PELI1: variants seen among roughly 807,000 people sequenced by gnomAD.
The protein encoded by PELI1 is pellino E3 ubiquitin protein ligase 1.
In PELI1, 15 loss-of-function variants were observed where a neutral mutation model predicts 41.3. That is an observed-to-expected ratio of 0.36 (90% CI 0.24 to 0.56). PELI1 has a LOEUF of 0.56. Among genes scored for constraint, PELI1 ranks in the 20% least tolerant of loss-of-function variants. PELI1 has a pLI of 0.82. For missense variants in PELI1, 403 were observed against 525.5 expected (o/e 0.77, Z 2.28); for synonymous variants, 178 against 180.1 (o/e 0.99, Z 0.09).
intron 2 of PELI1, among the ~76,000 whole-genome samples, chr2:64,108,039 G>A (rs1680680154): frequency 6.6e-6 from 1 of 152,132 alleles, no homozygotes; most frequent in Non-Finnish European, 1.5e-5. Context: ...CAAAGCTTAT[G>A]TCATATTTGA....
rs186238128 is a variant in PELI1, at chr2:64,093,985, A to G, written c.*717T>C. ...CTTAGCATTAAGTTTTTGTTATAGT[A>G]CTACGCTCGAGAGAAACATTAAGAA... On this transcript the variant is annotated 3_prime_UTR_variant, in exon 7 of 7. Coordinates refer to ENST00000358912, the MANE Select transcript of PELI1 (RefSeq NM_020651.4). The G allele has an allele frequency of 1.2e-4, 19 of 152,782 alleles. 1 individual carries two copies. Among genetic ancestry groups the G allele is most frequent in the Admixed American group, 9.8e-4 (15 of 15,298 alleles). The allele number at this position is 152,782 out of a possible 1,614,324, so 9.5% of individuals were successfully genotyped here. A position where few individuals can be genotyped will look rare whatever the true frequency, so the allele number is the denominator to read the frequency against.
chr2:64,129,324 CACTTAA>C (rs1377832887), intron 1 of PELI1, among the ~76,000 whole-genome samples: 1 of 152,096 alleles, frequency 6.6e-6, no homozygotes, highest in African/African-American at 2.4e-5. Context: ...TTGTGAAAAT[CACTTAA>C]ACTTACTGTC....
intron 1 of PELI1, among the ~76,000 whole-genome samples, chr2:64,124,181 C>A (rs72893140): frequency 0.023 from 3,468 of 152,230 alleles, 113 homozygotes; most frequent in African/African-American, 0.077. Flanking sequence ...TAGCTAAAGG[C>A]TATGACATGA....
intron 1 of PELI1, among the ~76,000 whole-genome samples, chr2:64,109,087 C>G (rs1680715774): frequency 1.3e-5 from 2 of 152,194 alleles, no homozygotes; most frequent in Admixed American, 1.3e-4. Context: ...GACTTTCACC[C>G]TGATGGCCGG....
At chr2:64,138,114 T>A (rs1196085490) in intron 1 of PELI1, among the ~76,000 whole-genome samples, 1 of 151,364 alleles carries the variant, frequency 6.6e-6, no homozygotes, top group Non-Finnish European at 1.5e-5. Flanking sequence ...TTTTGTTTTG[T>A]TTTTTTTAGA....
At chr2:64,126,111 C>G (rs889732137) in intron 1 of PELI1, among the ~76,000 whole-genome samples, 1 of 152,166 alleles carries the variant, frequency 6.6e-6, no homozygotes, top group Admixed American at 6.5e-5. Context: ...TGTGAGCTTT[C>G]TTTGCAGTTT....
chr2:64,121,036 T>C (rs1466153508), intron 1 of PELI1, among the ~76,000 whole-genome samples: 1 of 152,236 alleles, frequency 6.6e-6, no homozygotes, highest in African/African-American at 2.4e-5. Flanking sequence ...GAAGCAGTTC[T>C]GTAAATCTGT....
intron 1 of PELI1, among the ~76,000 whole-genome samples, chr2:64,140,536 T>G (rs1473019339): frequency 6.6e-6 from 1 of 152,100 alleles, no homozygotes; most frequent in Non-Finnish European, 1.5e-5. Context: ...TCTCTAGGCT[T>G]ATTTCTGAAG....
At chr2:64,129,931 T>C (rs1375992839) in intron 1 of PELI1, among the ~76,000 whole-genome samples, 2 of 152,238 alleles carry the variant, frequency 1.3e-5, no homozygotes, top group South Asian at 4.1e-4. Context: ...AATCACTGAT[T>C]ACCTCTCCAG....
intron 6 of PELI1, among the ~76,000 whole-genome samples, chr2:64,095,822 T>C (rs1038616899): frequency 6.6e-6 from 1 of 152,198 alleles, no homozygotes; most frequent in African/African-American, 2.4e-5. Context: ...TTTGTATTTT[T>C]AGTAGAGACA....
intron 2 of PELI1, among the ~76,000 whole-genome samples, chr2:64,107,222 G>A (rs1170925502): frequency 1.3e-5 from 2 of 152,138 alleles, no homozygotes; most frequent in Non-Finnish European, 1.5e-5. Context: ...ATAAGCTACT[G>A]CACCTGGCCT....
intron 1 of PELI1, among the ~76,000 whole-genome samples, chr2:64,128,693 C>A (rs143535721): frequency 6.6e-6 from 1 of 152,054 alleles, no homozygotes; most frequent in South Asian, 2.1e-4. Flanking sequence ...GCATTTACTG[C>A]GGAGTGTATG....
chr2:64,112,474 G>A (rs968119302), intron 1 of PELI1, among the ~76,000 whole-genome samples: 4 of 152,118 alleles, frequency 2.6e-5, no homozygotes, highest in African/African-American at 7.2e-5. Flanking sequence ...ACAAGAGTAC[G>A]GCTGGCATAT....
intron 6 of PELI1, 144 bp downstream of exon 6, chr2:64,095,981 A>G (rs567903039): frequency 1.6e-6 from 1 of 642,622 alleles, no homozygotes; most frequent in African/African-American, 1.8e-5. Flanking sequence ...TCTAGTATAG[A>G]ATTTGGTAGT....
intron 1 of PELI1, among the ~76,000 whole-genome samples, chr2:64,140,787 C>CA (rs377041268): frequency 0.22 from 9,840 of 45,288 alleles, 2,622 homozygotes; most frequent in East Asian, 0.44. Flanking sequence ...AGACAACATG[C>CA]AAAAAAAAAA....
At chr2:64,102,214 C>T (rs1680463233) in intron 3 of PELI1, among the ~76,000 whole-genome samples, 1 of 152,054 alleles carries the variant, frequency 6.6e-6, no homozygotes, top group African/African-American at 2.4e-5. Flanking sequence ...ACAGAGGTAT[C>T]CAACCTCAAG....
chr2:64,117,453 A>C (rs1681036465), intron 1 of PELI1, among the ~76,000 whole-genome samples: 1 of 151,960 alleles, frequency 6.6e-6, no homozygotes, highest in Non-Finnish European at 1.5e-5. Flanking sequence ...TAAATGTTTG[A>C]TTCTCCATGG....
At chr2:64,138,129 A>C (rs943900474) in intron 1 of PELI1, among the ~76,000 whole-genome samples, 1 of 151,550 alleles carries the variant, frequency 6.6e-6, no homozygotes, top group Non-Finnish European at 1.5e-5. Context: ...TTTAGACAGG[A>C]TCTGGTTATG....
chr2:64,098,577 C>T (rs1024695257), intron 4 of PELI1, among the ~76,000 whole-genome samples: 2 of 152,180 alleles, frequency 1.3e-5, no homozygotes, highest in Admixed American at 1.3e-4. Context: ...GTCTTTTCTC[C>T]ATCCTTCTTC....
Sources: gnomAD v4.1 joint callset for allele counts (sites outside exome capture counted in the v4.1 genomes callset) on GRCh38, gnomAD v4.1.1 for gene constraint, MANE v1.5 for transcripts, NCBI Gene and HGNC (gene_info 2026-07-23, HGNC 2026-07-21) for gene names.